Variants in PARD3 observed in about 807,000 individuals in gnomAD.
PARD3 encodes the protein par-3 family cell polarity regulator, also known as partitioning defective 3 homolog.
In PARD3, 75 loss-of-function variants were observed where a neutral mutation model predicts 155.4. The ratio of observed to expected loss-of-function variants is 0.48; its 90% CI spans 0.40 to 0.58. PARD3 has a LOEUF of 0.58. PARD3 is among the 20% of genes least tolerant of loss of function. PARD3 has a pLI of 0.00. For synonymous variants in PARD3, 576 were observed against 610.5 expected, an observed-to-expected ratio of 0.94 and a Z score of 0.83; for missense variants, 1,642 against 1,721.7, an observed-to-expected ratio of 0.95 and a Z score of 0.82.
At chr10:34,366,025 A>C (rs1440922201) in intron 12 of PARD3, among the ~76,000 whole-genome samples, 2 of 152,244 alleles carry the variant, frequency 1.3e-5, no homozygotes, top group East Asian at 1.9e-4. Flanking sequence ...CACATGACTG[A>C]ATTTTCTACA....
chr10:34,708,205 AAT>A (rs2094396033), intron 1 of PARD3, among the ~76,000 whole-genome samples: 1 of 152,048 alleles, frequency 6.6e-6, no homozygotes, highest in African/African-American at 2.4e-5. Flanking sequence ...ACAAATCCAG[AAT>A]ATGAGTTTTT....
rs527811534 is a variant in PARD3 at position 34,160,984 on chromosome 10, G to A, written c.3420-29401C>T. 3.3e-5 allele frequency among the ~76,000 whole-genome samples: 5 copies of A among 152,260 alleles called. No individual in the cohort carries two copies. The South Asian group carries it at 1.0e-3, about 32-fold the overall frequency. Reference sequence around the variant, plus strand: ...AGAAAAGAGACTCAAGGCCAGGTGTGGTGGCTCATGCCTGTAATCCCAGCA... The same window carrying A: ...AGAAAAGAGACTCAAGGCCAGGTGTAGTGGCTCATGCCTGTAATCCCAGCA... On this transcript the variant is annotated intron_variant, in intron 22 of 24. Transcript: ENST00000374788.
chr10:34,700,129 T>A (rs1287199661), intron 1 of PARD3, among the ~76,000 whole-genome samples: 2 of 152,072 alleles, frequency 1.3e-5, no homozygotes, highest in African/African-American at 4.8e-5. Flanking sequence ...AGTTCATCCA[T>A]CAAATAGATG....
chr10:34,762,320 G>T (rs1159827113), intron 1 of PARD3, among the ~76,000 whole-genome samples: 2 of 151,398 alleles, frequency 1.3e-5, no homozygotes, highest in Non-Finnish European at 2.9e-5. Flanking sequence ...GAGAGATGGG[G>T]TCTCACTCTG....
At chr10:34,569,198 T>C (rs2086189234) in intron 2 of PARD3, among the ~76,000 whole-genome samples, 1 of 152,056 alleles carries the variant, frequency 6.6e-6, no homozygotes, top group Non-Finnish European at 1.5e-5. Context: ...GGTTCAAACA[T>C]CAACATGTGG....
intron 1 of PARD3, among the ~76,000 whole-genome samples, chr10:34,708,486 T>C (rs560852255): frequency 6.6e-6 from 1 of 152,334 alleles, no homozygotes; most frequent in South Asian, 2.1e-4. Flanking sequence ...AGGAAATGTA[T>C]GCTTAAGTAA....
At chr10:34,655,143 T>C (rs1333092605) in intron 2 of PARD3, among the ~76,000 whole-genome samples, 2 of 151,574 alleles carry the variant, frequency 1.3e-5, no homozygotes, top group East Asian at 1.9e-4. Context: ...ACACACTTGC[T>C]CTGCAATCCT....
intron 21 of PARD3, among the ~76,000 whole-genome samples, chr10:34,279,152 T>C (rs1454036503): frequency 6.9e-6 from 1 of 145,792 alleles, no homozygotes; most frequent in Non-Finnish European, 1.5e-5. Flanking sequence ...TTTTTTTTTT[T>C]TTTTTTTTTT....
At chr10:34,571,263 A>G (rs912393669) in intron 2 of PARD3, among the ~76,000 whole-genome samples, 1 of 152,214 alleles carries the variant, frequency 6.6e-6, no homozygotes, top group African/African-American at 2.4e-5. Flanking sequence ...GTGGGGAGCT[A>G]TGATCACCTC....
At position 34,796,972 on chromosome 10, in the gene PARD3, G is replaced by A. The variant is rs57741940; in HGVS notation, c.120+17904C>T. On this transcript the variant is annotated intron_variant, in intron 1 of 24. Transcript: ENST00000374788. ...TGCACTCCAGCCTGGATGGCAGGGC[G>A]AGATTCCATCTCAAAAAAAATAAAA... Among the ~76,000 whole-genome samples, 892 of 152,272 alleles carry A rather than the reference G, an allele frequency of 5.9e-3. 9 individuals are homozygous for A. The highest frequency in any genetic ancestry group is 0.021 in the African/African-American group (857 of 41,556).
intron 2 of PARD3, among the ~76,000 whole-genome samples, chr10:34,529,897 G>A (rs2082727615): frequency 6.6e-6 from 1 of 152,000 alleles, no homozygotes; most frequent in Admixed American, 6.6e-5. Flanking sequence ...ACCAAGCCCG[G>A]CTAATTTTTG....
intron 22 of PARD3, among the ~76,000 whole-genome samples, chr10:34,257,024 C>T (rs761734297): frequency 9.9e-5 from 15 of 152,120 alleles, no homozygotes; most frequent in Admixed American, 2.0e-4. Context: ...AAATCAACTA[C>T]TGCATCTCCT....
intron 1 of PARD3, among the ~76,000 whole-genome samples, chr10:34,768,283 CAT>C (rs2134069961): frequency 6.6e-6 from 1 of 150,806 alleles, no homozygotes; most frequent in East Asian, 1.9e-4. Flanking sequence ...TGGTTTTATA[CAT>C]TTTAGGGAGA....
intron 1 of PARD3, among the ~76,000 whole-genome samples, chr10:34,712,302 G>A (rs564508252): frequency 1.6e-4 from 25 of 152,226 alleles, no homozygotes; most frequent in Non-Finnish European, 3.5e-4. Flanking sequence ...CAGTGTGGAC[G>A]TAGCTACAGG....
chr10:34,193,533 A>G (rs1350322886), intron 22 of PARD3, among the ~76,000 whole-genome samples: 1 of 152,222 alleles, frequency 6.6e-6, no homozygotes, highest in Non-Finnish European at 1.5e-5. Context: ...AACATCCTCA[A>G]GCAGATGATG....
chr10:34,265,305 T>A (rs1348814031), intron 22 of PARD3, among the ~76,000 whole-genome samples: 3 of 152,228 alleles, frequency 2.0e-5, no homozygotes, highest in Non-Finnish European at 4.4e-5. Flanking sequence ...ACGTGGAAAT[T>A]GAGAAAATGT....
chr10:34,125,314 C>G (rs1234783564), intron 23 of PARD3, among the ~76,000 whole-genome samples: 1 of 152,104 alleles, frequency 6.6e-6, no homozygotes, highest in Non-Finnish European at 1.5e-5. Flanking sequence ...ATCCACCCAC[C>G]TGGGCCTCCC....
At chr10:34,776,300 T>C (rs919220888) in intron 1 of PARD3, among the ~76,000 whole-genome samples, 1 of 152,134 alleles carries the variant, frequency 6.6e-6, no homozygotes, top group Non-Finnish European at 1.5e-5. Flanking sequence ...CCAAGAAAAA[T>C]ATACCTCAGA....
chr10:34,317,572 C>A (rs1243135410), intron 19 of PARD3, among the ~76,000 whole-genome samples: 1 of 152,152 alleles, frequency 6.6e-6, no homozygotes, highest in Non-Finnish European at 1.5e-5. Context: ...ACAGCAGCTT[C>A]CTGGTGGGAT....
Sources: gnomAD v4.1 joint callset for allele counts (sites outside exome capture counted in the v4.1 genomes callset) on GRCh38, gnomAD v4.1.1 for gene constraint, MANE v1.5 for transcripts, NCBI Gene and HGNC (gene_info 2026-07-23, HGNC 2026-07-21) for gene names.